The following ESRP2 variants were observed in gnomAD, a reference collection of about 807,000 sequenced individuals.
ESRP2 encodes the protein RNA binding motif protein 35A.
ESRP2 carries 48 observed loss-of-function variants against 78.6 expected under a neutral mutation model. That is an observed-to-expected ratio of 0.61 (90% confidence interval 0.48 to 0.78). The LOEUF (loss-of-function observed/expected upper bound fraction) is 0.78, where lower values mean the gene tolerates loss of function less well. Among genes scored for constraint, ESRP2 ranks in the 30% least tolerant of loss-of-function variants. The probability of loss-of-function intolerance (pLI) is 0.00; values close to 1 mark genes in which losing one functional copy is unlikely to be tolerated. For synonymous variants in ESRP2, 383 were observed against 406.7 expected (o/e 0.94, Z 0.70); for missense variants, 863 against 965.9 (o/e 0.89, Z 1.41).
rs762348246 is a variant in ESRP2, at chr16:68,230,326, G to A, written c.2065-11C>T. ...GTCATCAGCGGGTAGCTACAGAAGGGACACAGATTTAGGGCAGAGAGCTCA... is the reference window on the plus strand; with the variant it reads ...GTCATCAGCGGGTAGCTACAGAAGGAACACAGATTTAGGGCAGAGAGCTCA... On this transcript the variant is annotated splice_polypyrimidine_tract_variant and intron_variant, in intron 14 of 14. Coordinates refer to ENST00000473183, the MANE Select transcript of ESRP2 (RefSeq NM_024939.3). 1 of 1,614,184 alleles carries A rather than the reference G, an allele frequency of 6.2e-7. No homozygotes were observed. The highest frequency in any genetic ancestry group is 1.1e-5 in the South Asian group (1 of 91,088).
chr16:68,235,271 C>T lies in ESRP2; in HGVS notation c.327+363G>A. The T allele has an allele frequency of 2.0e-6, 2 of 985,466 alleles. No individual in the cohort carries two copies. The highest frequency in any genetic ancestry group is 4.7e-5 in the South Asian group (1 of 21,292). 61.0% of individuals were successfully genotyped at this position (985,466 alleles called of 1,614,324 possible). Reference sequence around the variant, plus strand: ...CGCAAGGACAGGTGACCTATATGGGCCCCTCGACCCCTTTCGCTTCCGGCT... The same window carrying T: ...CGCAAGGACAGGTGACCTATATGGGTCCCTCGACCCCTTTCGCTTCCGGCT... On this transcript the variant is annotated intron_variant, in intron 2 of 14. Coordinates refer to ENST00000473183, the MANE Select transcript of ESRP2 (RefSeq NM_024939.3). This position sits in a 1 kb window ranked among gnomAD's most constrained non-coding sequence, Gnocchi z 5.5.
intron 5 of ESRP2, chr16:68,233,100 TAGAC>T (rs989821970): frequency 6.6e-5 from 40 of 610,538 alleles, no homozygotes; most frequent in Middle Eastern, 4.3e-4. Flanking sequence ...TCTGGAGGCT[TAGAC>T]AGGAGAATCG....
In ESRP2 at chr16:68,231,756, C is replaced by T. The variant is rs977727258; in HGVS notation, c.1299+46G>A. The stretch of plus-strand genomic sequence containing the variant: ...GTAGGGCAGGGACACAGAGGGCCGC[C>T]CTGGAGTAACAGTACATCTGGGGGT... On this transcript the variant is annotated intron_variant, in intron 10 of 14. Transcript: ENST00000473183. The surrounding 1 kb of genome is among the most constrained non-coding windows in gnomAD (Gnocchi z 6.0). 4 of 1,597,552 alleles carry T rather than the reference C, an allele frequency of 2.5e-6. No homozygotes were observed. Among genetic ancestry groups the T allele is most frequent in the African/African-American group, 1.3e-5 (1 of 74,614 alleles).
Position 68,230,562 on chromosome 16 carries a change from G to A in ESRP2, c.1899-8C>T. On this transcript the variant is annotated splice_region_variant and splice_polypyrimidine_tract_variant and intron_variant, in intron 13 of 14. Transcript: ENST00000473183. ...GTGGGGGAGACTGGGGGGCTAGGGT[G>A]GGAGAGACAAGGTTTAGTCATGCAT... 1 of 1,552,618 alleles carries A rather than the reference G, an allele frequency of 6.4e-7. No homozygotes were observed. Among genetic ancestry groups the A allele is most frequent in the Non-Finnish European group, 8.7e-7 (1 of 1,149,158 alleles).
At chr16:68,230,663 G>C in intron 13 of ESRP2, 109 bp from the exon 14 acceptor site, 1 of 1,436,502 alleles carries the variant, frequency 7.0e-7, no homozygotes, top group Non-Finnish European at 9.4e-7. Flanking sequence ...GTTCCTCCCT[G>C]AAGCCCCAGC....
chr16:68,232,893 A>G lies in ESRP2; in HGVS notation c.656-78T>C. ...CACCAAGTTCTGCAAAAAGTGGACA[A>G]TTGAGAGAGATGAAGAAATGACAGG... On this transcript the variant is annotated intron_variant, in intron 5 of 14. Transcript: ENST00000473183. This position sits in a 1 kb window ranked among gnomAD's most constrained non-coding sequence, Gnocchi z 5.2. 6.3e-7 allele frequency: 1 copy of G among 1,591,170 alleles called. No individual in the cohort carries two copies. Among genetic ancestry groups the G allele is most frequent in the Admixed American group, 1.7e-5 (1 of 59,878 alleles).
In ESRP2 at chr16:68,232,694, G is replaced by T; in HGVS notation, c.711-7C>A. 2 of 1,614,194 alleles carry T rather than the reference G, an allele frequency of 1.2e-6. No individual in the cohort carries two copies. Among genetic ancestry groups the T allele is most frequent in the Middle Eastern group, 3.3e-4 (2 of 6,062 alleles). The stretch of plus-strand genomic sequence containing the variant: ...CACCACATCAGCCTTGCTGCTGTAG[G>T]GGCAGGGCACAGTGCTGTCAGAGCT... On this transcript the variant is annotated splice_polypyrimidine_tract_variant and splice_region_variant and intron_variant, in intron 6 of 14. Coordinates refer to ENST00000473183, the MANE Select transcript of ESRP2 (RefSeq NM_024939.3). This position sits in a 1 kb window ranked among gnomAD's most constrained non-coding sequence, Gnocchi z 5.2.
In ESRP2 at chr16:68,229,104, A is replaced by C. The variant is rs551701291; in HGVS notation, c.*1122T>G. The C allele has an allele frequency of 2.0e-5, 3 of 152,262 alleles. No homozygotes were observed. The highest frequency in any genetic ancestry group is 1.3e-4 in the Admixed American group (2 of 15,284). The allele number at this position is 152,262 out of a possible 1,614,324, so 9.4% of individuals were successfully genotyped here. A position where few individuals can be genotyped will look rare whatever the true frequency, so the allele number is the denominator to read the frequency against. ...AAGGAACTGGTTCTCAGTTATGTTTACAGCACTTGGAATTGTGTGTTCTTG... is the reference window on the plus strand; with the variant it reads ...AAGGAACTGGTTCTCAGTTATGTTTCCAGCACTTGGAATTGTGTGTTCTTG... On this transcript the variant is annotated 3_prime_UTR_variant, in exon 15 of 15. Transcript: ENST00000473183.
In ESRP2 at chr16:68,230,390, T is replaced by C; in HGVS notation, c.2063A>G (p.Gln688Arg). ...GGCCCTCCGGCCACACAATCTCACC[T>C]GGTAGGCCTGGAAGACGCTGAGCAG... ...KDLLSVFQAY[Q>R]LPADDYTSLM... Residue 688 changes from glutamine (Q) to arginine (R), a missense_variant and splice_region_variant, in exon 14 of 15, where the codon CAG becomes CGG. Gln to Arg is a conservative substitution (Grantham distance 43, BLOSUM62 1). Transcript: ENST00000473183. The C allele has an allele frequency of 6.2e-7, 1 of 1,613,934 alleles. No homozygotes were observed. The highest frequency in any genetic ancestry group is 1.3e-5 in the African/African-American group (1 of 75,042).
At position 68,234,084 on chromosome 16, in the gene ESRP2, A is replaced by G. The variant is rs1331090822; in HGVS notation, c.351T>C (p.Asp117=). 6.2e-7 allele frequency: 1 copy of G among 1,612,996 alleles called. No individual in the cohort carries two copies. Among genetic ancestry groups the G allele is most frequent in the Non-Finnish European group, 8.5e-7 (1 of 1,179,560 alleles). Residue 117 remains aspartate (D), a synonymous_variant, in exon 3 of 15, where the codon GAT becomes GAC. Transcript: ENST00000473183. ...AGGGGCCCCCGCCCAGCAAAGCCAC[A>G]TCCCCGTTCACCAGCTGTGAGAACT... ...LQQFSQLVNG[D]VALLGGGPYM... is the part of the protein sequence containing the mutation.
intron 2 of ESRP2, chr16:68,234,478 G>A (rs2151195987): frequency 5.5e-6 from 1 of 182,264 alleles, no homozygotes; most frequent in East Asian, 1.6e-4. Flanking sequence ...ACCACCCTCA[G>A]ACAGGTGGGG....
At position 68,235,401 on chromosome 16, in the gene ESRP2, C is replaced by T. The variant is rs540531987; in HGVS notation, c.327+233G>A. 2 of 985,440 alleles carry T rather than the reference C, an allele frequency of 2.0e-6. No individual in the cohort carries two copies. The highest frequency in any genetic ancestry group is 1.2e-4 in the Admixed American group (2 of 16,292). 61.0% of individuals were successfully genotyped at this position (985,440 alleles called of 1,614,324 possible). A position where few individuals can be genotyped will look rare whatever the true frequency, so the allele number is the denominator to read the frequency against. ...CCCAAAGCCTGCGTCCCGATCCCTT[C>T]GGTAGGAGTAGGTTCCTGCAATGGT... is the stretch of plus-strand genomic sequence containing the variant. On this transcript the variant is annotated intron_variant, in intron 2 of 14. Coordinates refer to ENST00000473183, the MANE Select transcript of ESRP2 (RefSeq NM_024939.3). This position sits in a 1 kb window ranked among gnomAD's most constrained non-coding sequence, Gnocchi z 5.5.
chr16:68,235,180 C>G lies in ESRP2; in HGVS notation c.327+454G>C, dbSNP rs1421741583. 1 of 985,242 alleles carries G rather than the reference C, an allele frequency of 1.0e-6. No individual in the cohort carries two copies. Among genetic ancestry groups the G allele is most frequent in the Non-Finnish European group, 1.2e-6 (1 of 829,924 alleles). 61.0% of individuals were successfully genotyped at this position (985,242 alleles called of 1,614,324 possible). On this transcript the variant is annotated intron_variant, in intron 2 of 14. Transcript: ENST00000473183. This position sits in a 1 kb window ranked among gnomAD's most constrained non-coding sequence, Gnocchi z 5.5. The stretch of plus-strand genomic sequence containing the variant: ...AGCAGTTTACACCTGGCGGCGTCTA[C>G]CTCTAGGGCCGACACCGCCCTACGC...
In ESRP2 at chr16:68,229,841, A is replaced by G. The variant is rs920052548; in HGVS notation, c.*385T>C. The G allele has an allele frequency of 8.6e-6, 2 of 233,506 alleles. No homozygotes were observed. The highest frequency in any genetic ancestry group is 1.7e-5 in the Non-Finnish European group (2 of 115,586). The allele number at this position is 233,506 out of a possible 1,614,324, so 14.5% of individuals were successfully genotyped here. On this transcript the variant is annotated 3_prime_UTR_variant, in exon 15 of 15. Coordinates refer to ENST00000473183, the MANE Select transcript of ESRP2 (RefSeq NM_024939.3). ...CCCTTGATTCTCCCAGGAGTCATAC[A>G]TTGAAGGTACCAGAGCTTCCATTTT...
At position 68,233,944 on chromosome 16, in the gene ESRP2, G is replaced by A. The variant is rs371342414; in HGVS notation, c.441+50C>T. ...CACCCTCAGGACAAGAGGGGTTCTG[G>A]GAACCTTACTGACCACCCCACCCCA... On this transcript the variant is annotated intron_variant, in intron 3 of 14. Transcript: ENST00000473183. 9.3e-6 allele frequency: 15 copies of A among 1,606,718 alleles called. No individual in the cohort carries two copies. The African/African-American group carries it at 1.3e-4, about 14-fold the overall frequency.
intron 4 of ESRP2, 28 bp from the exon 5 acceptor site, chr16:68,233,453 C>T (rs376399598): frequency 7.2e-6 from 11 of 1,531,562 alleles, no homozygotes; most frequent in African/African-American, 1.4e-5. Context: ...ACAGTGAAGA[C>T]ATCTTAGCAT....
chr16:68,234,212 A>T, intron 2 of ESRP2, 105 bp from the exon 3 acceptor site: 1 of 856,994 alleles, frequency 1.2e-6, no homozygotes, highest in Non-Finnish European at 1.8e-6. Context: ...GTTCAGCCAG[A>T]TGTTCAGCCC....
chr16:68,230,029 G>A lies in ESRP2; in HGVS notation c.*197C>T. 2 of 607,794 alleles carry A rather than the reference G, an allele frequency of 3.3e-6. No individual in the cohort carries two copies. Among genetic ancestry groups the A allele is most frequent in the East Asian group, 5.5e-5 (2 of 36,052 alleles). The allele number at this position is 607,794 out of a possible 1,614,324, so 37.7% of individuals were successfully genotyped here. Reference sequence around the variant, plus strand: ...CATTCCACCCCCAGCCCTGCATGCAGGGTCCAGCCATTGTCTTTGGGGGAA... The same window carrying A: ...CATTCCACCCCCAGCCCTGCATGCAAGGTCCAGCCATTGTCTTTGGGGGAA... On this transcript the variant is annotated 3_prime_UTR_variant, in exon 15 of 15. Coordinates refer to ENST00000473183, the MANE Select transcript of ESRP2 (RefSeq NM_024939.3).
Position 68,230,554 on chromosome 16 carries a change from G to C in ESRP2, c.1899C>G (p.Ser633Arg), listed in dbSNP as rs2042114343. 6 of 1,560,114 alleles carry C rather than the reference G, an allele frequency of 3.8e-6. No homozygotes were observed. The highest frequency in any genetic ancestry group is 1.9e-5 in the Admixed American group (1 of 53,628). The change falls in exon 14 of 15, where the codon AGC becomes AGG. Residue 633 changes from serine (S) to arginine (R), a missense_variant and splice_region_variant. Coordinates refer to ENST00000473183, the MANE Select transcript of ESRP2 (RefSeq NM_024939.3). ...CCACAGTGGTGGGGGAGACTGGGGG[G>C]CTAGGGTGGGAGAGACAAGGTTTAG... ...LYLNYTAYYP[S>R]PPVSPTTVGY...
Sources: allele counts gnomAD v4.1 joint callset, GRCh38; gene constraint gnomAD v4.1.1; non-coding constraint Gnocchi (gnomAD v3.1); transcripts MANE v1.5; gene names NCBI Gene and HGNC (gene_info 2026-07-23, HGNC 2026-07-21).